The following DCBLD1 variants were observed in gnomAD, a reference collection of about 807,000 sequenced individuals.
DCBLD1 encodes the protein discoidin, CUB and LCCL domain containing 1, also known as discoidin, CUB and LCCL domain-containing protein 1.
DCBLD1 carries 57 observed loss-of-function variants against 71.5 expected under a neutral mutation model. The ratio of observed to expected loss-of-function variants is 0.80; its 90% confidence interval spans 0.64 to 0.99. DCBLD1 has a LOEUF of 0.99. Among genes scored for constraint, DCBLD1 ranks in the 50% least tolerant of loss-of-function variants. The pLI is 0.00. For missense variants in DCBLD1, 891 were observed against 923.5 expected (o/e 0.96, Z 0.46); for synonymous variants, 380 against 363.8 (o/e 1.04, Z -0.51).
At chr6:117,522,003 T>C (rs1236279673) in intron 4 of DCBLD1, among the ~76,000 whole-genome samples, 7 of 152,192 alleles carry the variant, frequency 4.6e-5, no homozygotes, top group African/African-American at 1.7e-4. Context: ...GTCTAGACTG[T>C]ATTTTTTTTC....
intron 2 of DCBLD1, among the ~76,000 whole-genome samples, chr6:117,513,547 C>A (rs1007913400): frequency 6.6e-6 from 1 of 152,162 alleles, no homozygotes; most frequent in African/African-American, 2.4e-5. Context: ...CTGCTGCACT[C>A]CAGTGTGATG....
intron 1 of DCBLD1, among the ~76,000 whole-genome samples, chr6:117,500,744 T>C (rs1007441460): frequency 6.6e-5 from 10 of 152,050 alleles, no homozygotes; most frequent in African/African-American, 2.4e-4. Flanking sequence ...GCACCTGTCG[T>C]CCCACCTACT....
intron 14 of DCBLD1, among the ~76,000 whole-genome samples, chr6:117,546,860 C>T (rs915195422): frequency 1.3e-5 from 2 of 152,150 alleles, no homozygotes; most frequent in South Asian, 2.1e-4. Context: ...AGATGTCACC[C>T]GTTCCTCAGC....
At chr6:117,500,864 A>G (rs1281279848) in intron 1 of DCBLD1, among the ~76,000 whole-genome samples, 3 of 152,142 alleles carry the variant, frequency 2.0e-5, no homozygotes, top group Admixed American at 6.5e-5. Context: ...CTTCGTCTCA[A>G]AAAAAACAGT....
At chr6:117,529,869 T>G (rs1778658166) in intron 5 of DCBLD1, among the ~76,000 whole-genome samples, 1 of 152,166 alleles carries the variant, frequency 6.6e-6, no homozygotes, top group Admixed American at 6.5e-5. Flanking sequence ...AATAAAAATT[T>G]TATAAAAAAG....
rs183929177 is a variant in DCBLD1 at position 117,498,468 on chromosome 6, C to T, written c.113-5299C>T. On this transcript the variant is annotated intron_variant, in intron 1 of 14. Transcript: ENST00000338728. ...GCCACTTTGAAGAGTGGTCAAATTC[C>T]CTGTGGCAAAACTTCCTCCTCCCCT... is the stretch of plus-strand genomic sequence containing the variant. Among the ~76,000 whole-genome samples, 29 of 152,204 alleles carry T rather than the reference C, an allele frequency of 1.9e-4. No individual in the cohort carries two copies. In the East Asian group the frequency reaches 5.6e-3, roughly 29 times the overall value.
chr6:117,527,549 T>G (rs965109280), intron 5 of DCBLD1, among the ~76,000 whole-genome samples: 2 of 152,206 alleles, frequency 1.3e-5, no homozygotes, highest in African/African-American at 4.8e-5. Flanking sequence ...AGGCATTGGT[T>G]TATTCTGTGT....
At chr6:117,511,071 C>G (rs1259813998) in intron 2 of DCBLD1, among the ~76,000 whole-genome samples, 1 of 152,082 alleles carries the variant, frequency 6.6e-6, no homozygotes, top group African/African-American at 2.4e-5. Flanking sequence ...ATTTGAGGCC[C>G]TGCTCAAATG....
At chr6:117,563,811 A>C (rs1779638706) in intron 14 of DCBLD1, among the ~76,000 whole-genome samples, 1 of 152,092 alleles carries the variant, frequency 6.6e-6, no homozygotes, top group African/African-American at 2.4e-5. Flanking sequence ...AACATTAGTA[A>C]TCTGAGGCAA....
chr6:117,544,396 G>A (rs904147041), intron 12 of DCBLD1, 132 bp from the exon 13 acceptor site: 3 of 686,098 alleles, frequency 4.4e-6, no homozygotes, highest in Admixed American at 3.9e-5. Context: ...AAAGCACATG[G>A]CAGCTGCCAT....
intron 14 of DCBLD1, among the ~76,000 whole-genome samples, chr6:117,559,194 G>C (rs1040760901): frequency 5.3e-5 from 8 of 152,180 alleles, no homozygotes; most frequent in African/African-American, 1.9e-4. Flanking sequence ...GCCTCTCTAA[G>C]AAGCAGACGC....
rs763162340 is a variant in DCBLD1 at position 117,503,868 on chromosome 6, A to G, written c.214A>G (p.Ile72Val). ...CAATCACACTGTTTGCGAAAAGACA[A>G]TTACAGTACCAAAGGGGAAAAGACT... ...YPNHTVCEKT[I>V]TVPKGKRLIL... Residue 72 changes from isoleucine to valine, a missense_variant, in exon 2 of 15, where the codon ATT (isoleucine) becomes GTT (valine). Ile to Val is a conservative substitution (Grantham distance 29, BLOSUM62 3). Transcript: ENST00000338728. 3.7e-6 allele frequency: 6 copies of G among 1,614,012 alleles called. No individual in the cohort carries two copies. The highest frequency in any genetic ancestry group is 5.1e-6 in the Non-Finnish European group (6 of 1,180,004).
chr6:117,568,587 T>C (rs1424294647), intron 14 of DCBLD1, among the ~76,000 whole-genome samples: 1 of 152,218 alleles, frequency 6.6e-6, no homozygotes, highest in African/African-American at 2.4e-5. Flanking sequence ...AGATCTCTCT[T>C]GTCAGCTAAT....
intron 9 of DCBLD1, 157 bp downstream of exon 9, chr6:117,539,536 C>A: frequency 2.4e-6 from 2 of 818,388 alleles, no homozygotes; most frequent in South Asian, 4.5e-5. Context: ...GAAGCCAAGG[C>A]AGGAGGATCA....
Position 117,549,590 on chromosome 6 carries a change from A to G in DCBLD1, c.*1151A>G. ...TGTGTTTTTTTAATAGAAAATATGG[A>G]CCAAAAATTTTTTTCCCTGAAGAAT... On this transcript the variant is annotated 3_prime_UTR_variant, in exon 15 of 15. Transcript: ENST00000338728. 1.0e-6 allele frequency: 1 copy of G among 985,232 alleles called. No homozygotes were observed. Among genetic ancestry groups the G allele is most frequent in the Non-Finnish European group, 1.2e-6 (1 of 829,908 alleles). 61.0% of individuals were successfully genotyped at this position (985,232 alleles called of 1,614,324 possible). A position where few individuals can be genotyped will look rare whatever the true frequency, so the allele number is the denominator to read the frequency against.
chr6:117,563,482 G>A (rs1779629179), intron 14 of DCBLD1: 6 of 1,167,406 alleles, frequency 5.1e-6, no homozygotes, highest in Non-Finnish European at 7.5e-6. Flanking sequence ...AGCACTTTGA[G>A]AGGCCAAGGT....
intron 1 of DCBLD1, among the ~76,000 whole-genome samples, chr6:117,486,680 A>G (rs1777095635): frequency 1.3e-5 from 2 of 152,146 alleles, no homozygotes; most frequent in Non-Finnish European, 2.9e-5. Flanking sequence ...GTTTGTTTAG[A>G]TGTTGTCCTC....
At chr6:117,484,724 T>G (rs1296377334) in intron 1 of DCBLD1, among the ~76,000 whole-genome samples, 1 of 152,206 alleles carries the variant, frequency 6.6e-6, no homozygotes, top group Non-Finnish European at 1.5e-5. Context: ...TTATAGGCAA[T>G]TTCGTATTAG....
intron 3 of DCBLD1, among the ~76,000 whole-genome samples, chr6:117,520,718 C>T (rs1315969075): frequency 6.6e-6 from 1 of 152,206 alleles, no homozygotes; most frequent in East Asian, 1.9e-4. Flanking sequence ...CAGAGTAATT[C>T]TGTGCAGCCC....
Sources: gnomAD v4.1 joint callset for allele counts (sites outside exome capture counted in the v4.1 genomes callset) on GRCh38, gnomAD v4.1.1 for gene constraint, MANE v1.5 for transcripts, NCBI Gene and HGNC (gene_info 2026-07-23, HGNC 2026-07-21) for gene names.